The following ITGBL1 variants were observed in gnomAD, a reference collection of about 807,000 sequenced individuals.
ITGBL1 encodes integrin beta-like protein 1.
A neutral mutation model predicts 68.5 loss-of-function variants in ITGBL1; 51 were observed. The ratio of observed to expected loss-of-function variants is 0.74; its 90% confidence interval spans 0.59 to 0.94. ITGBL1 has a LOEUF of 0.94. Ranked by LOEUF, ITGBL1 falls within the 40% of genes least tolerant of loss-of-function variation. The probability of loss-of-function intolerance (pLI) is 0.00; values close to 1 mark genes in which losing one functional copy is unlikely to be tolerated. For missense variants in ITGBL1, 649 were observed against 647.4 expected, an observed-to-expected ratio of 1.00 and a Z score of -0.03; for synonymous variants, 209 against 227.3, an observed-to-expected ratio of 0.92 and a Z score of 0.72.
At chr13:101,478,890 G>A (rs2048575064) in intron 2 of ITGBL1, among the ~76,000 whole-genome samples, 1 of 151,990 alleles carries the variant, frequency 6.6e-6, no homozygotes, top group East Asian at 1.9e-4. Flanking sequence ...ACTACCCAAA[G>A]CAATCTACAG....
chr13:101,655,724 T>C (rs759954833), intron 7 of ITGBL1, among the ~76,000 whole-genome samples: 1 of 152,254 alleles, frequency 6.6e-6, no homozygotes, highest in Non-Finnish European at 1.5e-5. Context: ...TCTGATGTGC[T>C]GTGTTGTAGT....
At chr13:101,571,180 C>T (rs909105713) in intron 3 of ITGBL1, among the ~76,000 whole-genome samples, 3 of 152,066 alleles carry the variant, frequency 2.0e-5, no homozygotes, top group Non-Finnish European at 4.4e-5. Context: ...CTCCCAATAC[C>T]ACCAACATAT....
chr13:101,554,621 G>C (rs1341324593), intron 2 of ITGBL1, among the ~76,000 whole-genome samples: 1 of 152,186 alleles, frequency 6.6e-6, no homozygotes, highest in Non-Finnish European at 1.5e-5. Flanking sequence ...GGCCTTAACA[G>C]CCACAAGTGC....
chr13:101,582,818 C>A (rs1012678692), intron 5 of ITGBL1, among the ~76,000 whole-genome samples: 4 of 152,158 alleles, frequency 2.6e-5, no homozygotes, highest in African/African-American at 7.2e-5. Context: ...TTAGAGCATT[C>A]ATGTCTTAGT....
At chr13:101,700,173 C>A (rs766747921) in intron 8 of ITGBL1, among the ~76,000 whole-genome samples, 1 of 152,214 alleles carries the variant, frequency 6.6e-6, no homozygotes, top group African/African-American at 2.4e-5. Context: ...ACCTCACTAT[C>A]TCATTGTCTT....
At chr13:101,530,712 CA>C (rs1328589833) in intron 2 of ITGBL1, among the ~76,000 whole-genome samples, 1 of 152,016 alleles carries the variant, frequency 6.6e-6, no homozygotes, top group African/African-American at 2.4e-5. Flanking sequence ...CTTTAGCTTA[CA>C]AAAAAATTAA....
At chr13:101,658,431 T>C (rs879160283) in intron 7 of ITGBL1, among the ~76,000 whole-genome samples, 16 of 152,210 alleles carry the variant, frequency 1.1e-4, no homozygotes, top group Admixed American at 2.0e-4. Context: ...CTTCTACTTA[T>C]GTGTTTTAAA....
intron 2 of ITGBL1, among the ~76,000 whole-genome samples, chr13:101,537,811 A>G (rs1364019528): frequency 6.6e-6 from 1 of 152,014 alleles, no homozygotes; most frequent in Non-Finnish European, 1.5e-5. Flanking sequence ...AATGGATTCT[A>G]AGATTGTTTG....
chr13:101,699,889 C>T (rs897907775), intron 8 of ITGBL1, among the ~76,000 whole-genome samples: 1 of 152,154 alleles, frequency 6.6e-6, no homozygotes, highest in Non-Finnish European at 1.5e-5. Flanking sequence ...AGGAACATTC[C>T]ACTTAGTAGA....
chr13:101,626,139 A>G (rs1198375252), intron 7 of ITGBL1, among the ~76,000 whole-genome samples: 1 of 152,156 alleles, frequency 6.6e-6, no homozygotes, highest in East Asian at 1.9e-4. Context: ...TATTTCAGAT[A>G]CAACTTCAGA....
chr13:101,452,903 G>C lies in ITGBL1; in HGVS notation c.70G>C (p.Val24Leu). 6.2e-7 allele frequency: 1 copy of C among 1,614,166 alleles called. No homozygotes were observed. Among genetic ancestry groups the C allele is most frequent in the Non-Finnish European group, 8.5e-7 (1 of 1,180,010 alleles). ...CCTTCTCTTTGCTGGGTTGTCAGCT[G>C]TTCCTCAAAGCTTCTCGCCATCTCT... ...SSLLFAGLSA[V>L]PQSFSPSLRS... Residue 24 changes from valine (V) to leucine (L), a missense_variant, in exon 1 of 11, where the codon GTT becomes CTT. Physicochemically the swap from Val to Leu is conservative, Grantham distance 32 (BLOSUM62 1). Transcript: ENST00000376180.
chr13:101,605,926 A>G (rs912025755), intron 7 of ITGBL1, among the ~76,000 whole-genome samples: 3 of 97,218 alleles, frequency 3.1e-5, no homozygotes, highest in African/African-American at 6.3e-5. Flanking sequence ...ATATATAGAC[A>G]TATGTATGCG....
Position 101,454,202 on chromosome 13 carries a change from C to A in ITGBL1, c.316+102C>A. The A allele has an allele frequency of 4.2e-6, 3 of 706,108 alleles. No homozygotes were observed. The South Asian group carries it at 1.3e-4, about 30-fold the overall frequency. 43.7% of individuals were successfully genotyped at this position (706,108 alleles called of 1,614,324 possible). ...TGAAGGGTGGGGACACGCCTCCCTTCACATAAGCACCAATTAAGTTACTGC... is the reference window on the plus strand; with the variant it reads ...TGAAGGGTGGGGACACGCCTCCCTTAACATAAGCACCAATTAAGTTACTGC... On this transcript the variant is annotated intron_variant, in intron 2 of 10. Transcript: ENST00000376180.
chr13:101,507,724 C>T (rs1050617754), intron 2 of ITGBL1, among the ~76,000 whole-genome samples: 2 of 151,786 alleles, frequency 1.3e-5, no homozygotes, highest in African/African-American at 2.4e-5. Context: ...TAAGACTGGC[C>T]TTTTGGAAAT....
At chr13:101,573,601 A>G (rs1024599231) in intron 3 of ITGBL1, among the ~76,000 whole-genome samples, 2 of 152,188 alleles carry the variant, frequency 1.3e-5, no homozygotes, top group Non-Finnish European at 2.9e-5. Flanking sequence ...GCTTCTAGAA[A>G]CATGACTGGG....
At chr13:101,670,229 G>A (rs1238862708) in intron 7 of ITGBL1, among the ~76,000 whole-genome samples, 1 of 152,136 alleles carries the variant, frequency 6.6e-6, no homozygotes, top group Non-Finnish European at 1.5e-5. Flanking sequence ...TTACTTCTAT[G>A]ATATGAAGTG....
At chr13:101,617,118 A>C (rs182216297) in intron 7 of ITGBL1, among the ~76,000 whole-genome samples, 1 of 152,314 alleles carries the variant, frequency 6.6e-6, no homozygotes, top group Admixed American at 6.5e-5. Context: ...ACAATATATT[A>C]TTTTGAGCTA....
intron 9 of ITGBL1, chr13:101,712,562 A>G (rs2034518743): frequency 6.6e-6 from 1 of 152,192 alleles, no homozygotes; most frequent in African/African-American, 2.4e-5. Context: ...TATGAATATT[A>G]TGGGCATATA....
At chr13:101,474,620 C>A (rs777969043) in intron 2 of ITGBL1, among the ~76,000 whole-genome samples, 5 of 152,140 alleles carry the variant, frequency 3.3e-5, no homozygotes, top group Non-Finnish European at 7.3e-5. Flanking sequence ...TTGGGTGAGA[C>A]CTAGTACCAT....
Sources: gnomAD v4.1 joint callset for allele counts (sites outside exome capture counted in the v4.1 genomes callset) on GRCh38, gnomAD v4.1.1 for gene constraint, MANE v1.5 for transcripts, NCBI Gene and HGNC (gene_info 2026-07-23, HGNC 2026-07-21) for gene names.